The following OC90 variants were observed in gnomAD, a reference collection of about 807,000 sequenced individuals.
OC90 encodes the protein otoconin 90.
Under a neutral mutation model 47.3 loss-of-function variants are expected in OC90, and 46 were observed. The ratio of observed to expected loss-of-function variants is 0.97; its 90% CI spans 0.77 to 1.24. The LOEUF (loss-of-function observed/expected upper bound fraction) is 1.24, where lower values mean the gene tolerates loss of function less well. Among genes scored for constraint, OC90 ranks in the 50% most tolerant of loss-of-function variants. The pLI is 0.00. For synonymous variants in OC90, 271 were observed against 219.5 expected, an observed-to-expected ratio of 1.23 and a Z score of -2.07; for missense variants, 688 against 583.9, an observed-to-expected ratio of 1.18 and a Z score of -1.84.
intron 13 of OC90, among the ~76,000 whole-genome samples, chr8:132,025,859 C>T (rs1255166919): frequency 6.6e-6 from 1 of 152,198 alleles, no homozygotes; most frequent in Non-Finnish European, 1.5e-5. Flanking sequence ...ACCCTGCTGA[C>T]AGAGCAGAGT....
chr8:132,028,546 GAAA>G (rs1563727280), intron 13 of OC90, among the ~76,000 whole-genome samples: 469 of 20,254 alleles, frequency 0.023, 15 homozygotes, highest in African/African-American at 0.037. Flanking sequence ...AAGAAAGAAA[GAAA>G]GAAAGAAAGA....
intron 2 of OC90, chr8:132,049,925 G>A: frequency 2.1e-6 from 1 of 483,764 alleles, no homozygotes; most frequent in South Asian, 1.4e-5. Context: ...TTGTATAAAT[G>A]GATGTGTCAT....
At chr8:132,039,279 G>A (rs185963784) in intron 6 of OC90, among the ~76,000 whole-genome samples, 156 bp from the exon 7 acceptor site, 2 of 152,172 alleles carry the variant, frequency 1.3e-5, no homozygotes, top group African/African-American at 4.8e-5. Context: ...TCTCTTTAGG[G>A]GTGTAGACCC....
chr8:132,029,298 C>A, intron 12 of OC90, 119 bp from the exon 13 acceptor site: 1 of 745,640 alleles, frequency 1.3e-6, no homozygotes. Flanking sequence ...TGCCTCCTTT[C>A]CAGTGCACAC....
chr8:132,058,774 C>CA (rs1163718945), intron 1 of OC90, among the ~76,000 whole-genome samples: 1 of 152,130 alleles, frequency 6.6e-6, no homozygotes, highest in Non-Finnish European at 1.5e-5. Context: ...GTTTCCACAC[C>CA]AGGTGCCGTG....
At chr8:132,028,235 A>G (rs1324426304) in intron 13 of OC90, among the ~76,000 whole-genome samples, 1 of 152,088 alleles carries the variant, frequency 6.6e-6, no homozygotes, top group Non-Finnish European at 1.5e-5. Flanking sequence ...CGGGCATGGT[A>G]GCTCATGCCT....
rs201134656 is a variant in OC90, at chr8:132,028,706, C to A, written c.1138+367G>T. Reference sequence around the variant, plus strand: ...AGAAAGAGAAAGAAAGAAAGAGAGACAGAAAGAAAGAAAGAAAGAGAAAGA... The same window carrying A: ...AGAAAGAGAAAGAAAGAAAGAGAGAAAGAAAGAAAGAAAGAAAGAGAAAGA... On this transcript the variant is annotated intron_variant, in intron 13 of 13. Transcript: ENST00000254627. Among the ~76,000 whole-genome samples, 114 of 112,998 alleles carry A rather than the reference C, an allele frequency of 1.0e-3. 1 individual carries two copies. Among genetic ancestry groups the A allele is most frequent in the African/African-American group, 2.7e-3 (79 of 29,446 alleles). 74.1% of individuals were successfully genotyped at this position (112,998 alleles called of 152,430 possible). A position where few individuals can be genotyped will look rare whatever the true frequency, so the allele number is the denominator to read the frequency against.
Position 132,029,093 on chromosome 8 carries a change from C to T in OC90, c.1118G>A (p.Cys373Tyr). 1.9e-6 allele frequency: 3 copies of T among 1,612,932 alleles called. No individual in the cohort carries two copies. The highest frequency in any genetic ancestry group is 2.5e-6 in the Non-Finnish European group (3 of 1,178,906). Reference protein sequence around the residue: ...LERLPWSPVVCVDHTPKCGGQ... With the variant: ...LERLPWSPVVYVDHTPKCGGQ... Reference sequence around the variant, plus strand: ...CTTACACTTGGGCGTATGATCCACACACACCACCGGTGACCAAGGAAGCCT... The same window carrying T: ...CTTACACTTGGGCGTATGATCCACATACACCACCGGTGACCAAGGAAGCCT... Residue 373 changes from cysteine to tyrosine, a missense_variant, in exon 13 of 14, where the codon TGT becomes TAT. Physicochemically the swap from Cys to Tyr is radical, Grantham distance 194. Transcript: ENST00000254627.
chr8:132,048,291 G>A (rs4736534), intron 2 of OC90, among the ~76,000 whole-genome samples: 3 of 152,216 alleles, frequency 2.0e-5, no homozygotes, highest in African/African-American at 4.8e-5. Flanking sequence ...AAGCCACCTC[G>A]CTTTAAAAAG....
chr8:132,055,630 G>A (rs1823271137), intron 1 of OC90, among the ~76,000 whole-genome samples: 1 of 152,166 alleles, frequency 6.6e-6, no homozygotes, highest in Non-Finnish European at 1.5e-5. Flanking sequence ...CCACATGGTG[G>A]CGCTGCATGC....
chr8:132,054,123 T>C (rs2130865353), intron 2 of OC90, among the ~76,000 whole-genome samples: 1 of 152,240 alleles, frequency 6.6e-6, no homozygotes, highest in South Asian at 2.1e-4. Context: ...TGCTTGGAAG[T>C]CCAAGGCAGG....
chr8:132,047,967 G>A (rs1212092114), intron 2 of OC90, among the ~76,000 whole-genome samples: 1 of 152,170 alleles, frequency 6.6e-6, no homozygotes, highest in Non-Finnish European at 1.5e-5. Context: ...CATGAGATTA[G>A]CATCCTTCTA....
chr8:132,031,401 T>G (rs2130852340), intron 12 of OC90, among the ~76,000 whole-genome samples: 1 of 152,288 alleles, frequency 6.6e-6, no homozygotes, highest in South Asian at 2.1e-4. Flanking sequence ...GTGGTACACA[T>G]GGAAATTACA....
intron 1 of OC90, among the ~76,000 whole-genome samples, chr8:132,058,025 G>A (rs776666148): frequency 4.9e-4 from 74 of 152,312 alleles, no homozygotes; most frequent in Non-Finnish European, 9.4e-4. Context: ...CACAATTATC[G>A]GTAGTACTTG....
rs752504211 is a variant in OC90 at position 132,024,534 on chromosome 8, A to G, written c.1381T>C (p.Phe461Leu). The change falls in exon 14 of 14, where the codon TTT becomes CTT. Residue 461 changes from phenylalanine to leucine, a missense_variant. By Grantham distance (22) the Phe-to-Leu change is conservative. Transcript: ENST00000254627. ...AAGGGACCCAGTGACTTCCGCAGAA[A>G]CCTCTTGGCTCTGCCGAGGTCCTCC... ...PQEDLGRAKR[F>L]LRKSLGPLGI... 3 of 1,597,724 alleles carry G rather than the reference A, an allele frequency of 1.9e-6. No homozygotes were observed. The highest frequency in any genetic ancestry group is 1.7e-6 in the Non-Finnish European group (2 of 1,169,316).
chr8:132,043,077 T>G (rs1823077584), intron 4 of OC90, among the ~76,000 whole-genome samples: 1 of 152,160 alleles, frequency 6.6e-6, no homozygotes, highest in Non-Finnish European at 1.5e-5. Flanking sequence ...ATTATTTGAG[T>G]CACTATTAGT....
In OC90 at chr8:132,029,156, C is replaced by A. The variant is rs762046845; in HGVS notation, c.1055G>T (p.Cys352Phe). 4 of 1,613,810 alleles carry A rather than the reference C, an allele frequency of 2.5e-6. No individual in the cohort carries two copies. Among genetic ancestry groups the A allele is most frequent in the Non-Finnish European group, 3.4e-6 (4 of 1,179,738 alleles). ...LDRCCLSHHC[C>F]LEQVRRLGCL... ...GCCCAGCCTTCTCACTTGCTCTAGG[C>A]AGCAGTGATGGGACAAGCAGCACCT... Residue 352 changes from cysteine (C) to phenylalanine (F), a missense_variant, in exon 13 of 14, where the codon TGC becomes TTC. Coordinates refer to ENST00000254627, the MANE Select transcript of OC90 (RefSeq NM_001080399.3).
chr8:132,049,848 T>C (rs1419300448), intron 2 of OC90: 4 of 518,372 alleles, frequency 7.7e-6, no homozygotes, highest in African/African-American at 7.7e-5. Context: ...GTATCACAGA[T>C]GATAACGTCT....
rs201657644 is a variant in OC90 at position 132,031,904 on chromosome 8, G to T, written c.1008C>A (p.Gly336=). 4.9e-5 allele frequency: 79 copies of T among 1,613,502 alleles called. No homozygotes were observed. In the African/African-American group the frequency reaches 9.1e-4, roughly 19 times the overall value. ...ACCTGTCTAGGTCATCCCTTGGCTC[G>T]CCTCTTCCTTCTTGTCCACAGTAAC... ...YGCYCGQEGR[G]EPRDDLDRCC... The change falls in exon 12 of 14, where the codon GGC becomes GGA. Residue 336 remains glycine, a synonymous_variant. Coordinates refer to ENST00000254627, the MANE Select transcript of OC90 (RefSeq NM_001080399.3).
Sources: allele counts gnomAD v4.1 joint callset (sites outside exome capture counted in the v4.1 genomes callset), GRCh38; gene constraint gnomAD v4.1.1; transcripts MANE v1.5; gene names NCBI Gene and HGNC (gene_info 2026-07-23, HGNC 2026-07-21).